The following ENAH variants were observed in gnomAD, a reference collection of about 807,000 sequenced individuals.
ENAH encodes the protein ENAH actin regulator, also known as protein enabled homolog.
A neutral mutation model predicts 78.7 loss-of-function variants in ENAH; 23 were observed. The observed-to-expected ratio is 0.29, with a 90% CI of 0.21 to 0.41. The LOEUF is 0.41. Ranked by LOEUF, ENAH falls within the 10% of genes least tolerant of loss-of-function variation. ENAH has a pLI of 1.00. For missense variants in ENAH, 544 were observed against 691.0 expected (o/e 0.79, Z 2.39); for synonymous variants, 226 against 241.0 (o/e 0.94, Z 0.58).
chr1:225,585,012 C>T lies in ENAH; in HGVS notation c.6-17598G>A, dbSNP rs868285970. On this transcript the variant is annotated intron_variant, in intron 1 of 13. Transcript: ENST00000366843. ...GGTGGATCATTTGAGGTCAGGAGTTCAAGACCATCCTGGCCAACATGGTGA... is the reference window on the plus strand; with the variant it reads ...GGTGGATCATTTGAGGTCAGGAGTTTAAGACCATCCTGGCCAACATGGTGA... 2.0e-5 allele frequency among the ~76,000 whole-genome samples: 3 copies of T among 151,972 alleles called. No individual in the cohort carries two copies. The South Asian group carries it at 6.2e-4, about 32-fold the overall frequency.
intron 1 of ENAH, among the ~76,000 whole-genome samples, chr1:225,579,123 A>G (rs2096801949): frequency 6.6e-6 from 1 of 152,236 alleles, no homozygotes; most frequent in East Asian, 1.9e-4. Context: ...AATTAACTTG[A>G]CTAAAGACAT....
rs532627509 is a variant in ENAH, at chr1:225,648,845, C to G, written c.5+3841G>C. ...TTCTGACCCTTGATTGTACCACACT[C>G]TGAAATGTATATAAAATTTATGATT... On this transcript the variant is annotated intron_variant, in intron 1 of 13. Transcript: ENST00000366843. Among the ~76,000 whole-genome samples the G allele has an allele frequency of 4.0e-5, 6 of 150,376 alleles. No individual in the cohort carries two copies. The South Asian group carries it at 1.3e-3, about 32-fold the overall frequency.
chr1:225,531,990 C>A (rs2096539995), intron 3 of ENAH, among the ~76,000 whole-genome samples: 1 of 149,952 alleles, frequency 6.7e-6, no homozygotes, highest in Admixed American at 6.6e-5. Context: ...TTTTGAGAAC[C>A]AAATAAATAT....
intron 1 of ENAH, among the ~76,000 whole-genome samples, chr1:225,633,901 T>C (rs1659574058): frequency 6.6e-6 from 1 of 152,208 alleles, no homozygotes; most frequent in Non-Finnish European, 1.5e-5. Flanking sequence ...GATATTCAGC[T>C]ATGAGGCCTC....
chr1:225,518,912 A>C (rs2096443257), intron 5 of ENAH: 1 of 386,178 alleles, frequency 2.6e-6, no homozygotes, highest in Non-Finnish European at 4.5e-6. Flanking sequence ...ATTTCCCATA[A>C]AAACACACTT....
intron 4 of ENAH, among the ~76,000 whole-genome samples, chr1:225,527,439 A>G (rs1338448892): frequency 6.6e-6 from 1 of 152,244 alleles, no homozygotes; most frequent in Non-Finnish European, 1.5e-5. Flanking sequence ...CCCGTTTGCT[A>G]GCCTACACAA....
In ENAH at chr1:225,578,774, T is replaced by C. The variant is rs369887836; in HGVS notation, c.6-11360A>G. Among the ~76,000 whole-genome samples the C allele has an allele frequency of 7.9e-5, 12 of 152,104 alleles. No individual in the cohort carries two copies. The East Asian group carries it at 2.1e-3, about 27-fold the overall frequency. ...TTAACTGTAGGCACAAAAAATCCTATCAATGAGGAAAAATCTTATCAGTGA... is the reference window on the plus strand; with the variant it reads ...TTAACTGTAGGCACAAAAAATCCTACCAATGAGGAAAAATCTTATCAGTGA... On this transcript the variant is annotated intron_variant, in intron 1 of 13. Transcript: ENST00000366843.
chr1:225,591,338 G>A (rs2096874578), intron 1 of ENAH, among the ~76,000 whole-genome samples: 2 of 151,856 alleles, frequency 1.3e-5, no homozygotes. Flanking sequence ...GCGTGGTGGT[G>A]ATGCCTGTAA....
Position 225,487,543 on chromosome 1 carries a change from G to A in ENAH, c.*10232C>T, listed in dbSNP as rs1244208707. 6.6e-6 allele frequency: 1 copy of A among 152,186 alleles called. No individual in the cohort carries two copies. The highest frequency in any genetic ancestry group is 1.5e-5 in the Non-Finnish European group (1 of 68,034). 9.4% of individuals were successfully genotyped at this position (152,186 alleles called of 1,614,324 possible). On this transcript the variant is annotated 3_prime_UTR_variant, in exon 14 of 14. Coordinates refer to ENST00000366843, the MANE Select transcript of ENAH (RefSeq NM_018212.6). ...AGGCCCATTAATTCACAAATTCCAT[G>A]ATAAGATACATGAGGTTCTGTATGC...
chr1:225,627,774 G>A (rs1396812471), intron 1 of ENAH, among the ~76,000 whole-genome samples: 3 of 152,154 alleles, frequency 2.0e-5, no homozygotes, highest in Non-Finnish European at 2.9e-5. Context: ...TGGACAAGGT[G>A]GCTACTGAAT....
In ENAH at chr1:225,555,051, C is replaced by T. The variant is rs1161500823; in HGVS notation, c.204G>A (p.Leu68=). The T allele has an allele frequency of 1.0e-5, 16 of 1,585,736 alleles. No individual in the cohort carries two copies. The highest frequency in any genetic ancestry group is 3.4e-4 in the Middle Eastern group (2 of 5,960). Residue 68 remains leucine, a synonymous_variant, in exon 3 of 14, where the codon TTG becomes TTA. Transcript: ENST00000366843. The part of the protein sequence containing the change: ...VVINCAIPKG[L]KYNQATQTFH... ...AGGTCTGTGTAGCTTGATTGTACTT[C>T]AACCCTTTAGGAATGGCACAGTTTA...
Position 225,649,182 on chromosome 1 carries a change from T to C in ENAH, c.5+3504A>G, listed in dbSNP as rs144876245. ...ATTTTTTAAAAAGGCATCAGTGAAA[T>C]AATGTGATTACTTCAAGGTCACCCA... On this transcript the variant is annotated intron_variant, in intron 1 of 13. Transcript: ENST00000366843. 2.3e-3 allele frequency among the ~76,000 whole-genome samples: 352 copies of C among 152,296 alleles called. 2 individuals carry two copies. The highest frequency in any genetic ancestry group is 3.9e-3 in the Non-Finnish European group (264 of 67,994).
intron 1 of ENAH, among the ~76,000 whole-genome samples, chr1:225,574,931 T>TA (rs901984109): frequency 7.1e-5 from 1 of 14,122 alleles, no homozygotes; most frequent in Non-Finnish European, 1.1e-4. Flanking sequence ...TATATATATA[T>TA]AAAAAAAAAA....
chr1:225,624,538 C>T (rs970131137), intron 1 of ENAH, among the ~76,000 whole-genome samples: 13 of 151,976 alleles, frequency 8.6e-5, no homozygotes, highest in South Asian at 2.1e-4. Context: ...GAAGGAGAAT[C>T]GCTTGAACCT....
At chr1:225,499,457 A>G (rs1460513666) in intron 12 of ENAH, among the ~76,000 whole-genome samples, 1 of 152,174 alleles carries the variant, frequency 6.6e-6, no homozygotes, top group Non-Finnish European at 1.5e-5. Context: ...AGATCACTTG[A>G]GGCTGGGAAT....
intron 1 of ENAH, among the ~76,000 whole-genome samples, chr1:225,634,730 T>C (rs1403551079): frequency 6.6e-6 from 1 of 152,166 alleles, no homozygotes; most frequent in Non-Finnish European, 1.5e-5. Context: ...AATGTGAGGG[T>C]TTACTGGGCT....
intron 3 of ENAH, among the ~76,000 whole-genome samples, chr1:225,537,817 T>A (rs1238901714): frequency 1.3e-5 from 2 of 152,052 alleles, no homozygotes; most frequent in Non-Finnish European, 2.9e-5. Context: ...TACTTTACCA[T>A]TAGGCGTTTT....
At chr1:225,644,973 T>C (rs1435159944) in intron 1 of ENAH, among the ~76,000 whole-genome samples, 1 of 152,196 alleles carries the variant, frequency 6.6e-6, no homozygotes, top group Admixed American at 6.5e-5. Flanking sequence ...CATCCTTACT[T>C]ACAACAGGCC....
intron 1 of ENAH, among the ~76,000 whole-genome samples, chr1:225,634,643 A>C (rs1379305583): frequency 1.3e-5 from 2 of 152,186 alleles, no homozygotes; most frequent in Admixed American, 6.5e-5. Flanking sequence ...TGCGAATATC[A>C]TTTCCCTAGT....
Sources: gnomAD v4.1 joint callset for allele counts (sites outside exome capture counted in the v4.1 genomes callset) on GRCh38, gnomAD v4.1.1 for gene constraint, MANE v1.5 for transcripts, NCBI Gene and HGNC (gene_info 2026-07-23, HGNC 2026-07-21) for gene names.